Variants in CEP131 observed in about 807,000 individuals in gnomAD.
The protein encoded by CEP131 is centrosomal protein of 131 kDa.
Under a neutral mutation model 136.8 loss-of-function variants are expected in CEP131, and 99 were observed. The ratio of observed to expected loss-of-function variants is 0.72; its 90% CI spans 0.62 to 0.86. The LOEUF (loss-of-function observed/expected upper bound fraction) is 0.86, where lower values mean the gene tolerates loss of function less well. CEP131 is among the 40% of genes least tolerant of loss of function. CEP131 has a pLI of 0.00. For missense variants in CEP131, 1,459 were observed against 1,463.0 expected (o/e 1.00, Z 0.04); for synonymous variants, 646 against 612.7 (o/e 1.05, Z -0.80).
Position 81,199,715 on chromosome 17 carries a change from G to A in CEP131, c.1023+4C>T. ...CTGCTCAGTGGTCCCTGCGCGGTCAGCACCTGAATGGCTGCTCGCCTGGCT... is the reference window on the plus strand; with the variant it reads ...CTGCTCAGTGGTCCCTGCGCGGTCAACACCTGAATGGCTGCTCGCCTGGCT... On this transcript the variant is annotated splice_donor_region_variant and intron_variant, in intron 9 of 25. Coordinates refer to ENST00000450824, the MANE Select transcript of CEP131 (RefSeq NM_014984.4). 6.2e-7 allele frequency: 1 copy of A among 1,608,098 alleles called. No individual in the cohort carries two copies. Among genetic ancestry groups the A allele is most frequent in the Non-Finnish European group, 8.5e-7 (1 of 1,179,836 alleles).
chr17:81,210,368 A>C (rs967687746), intron 2 of CEP131, among the ~76,000 whole-genome samples: 4 of 152,072 alleles, frequency 2.6e-5, no homozygotes, highest in African/African-American at 9.7e-5. Context: ...TCAGGAGATC[A>C]AGACCATCCT....
chr17:81,210,136 G>C (rs967186904), intron 2 of CEP131, among the ~76,000 whole-genome samples: 1 of 152,218 alleles, frequency 6.6e-6, no homozygotes, highest in Admixed American at 6.5e-5. Context: ...TGGCGCTCGG[G>C]AAAGTGGCAC....
Position 81,196,874 on chromosome 17 carries a change from G to A in CEP131, c.1774-48C>T. 1 of 1,603,638 alleles carries A rather than the reference G, an allele frequency of 6.2e-7. No homozygotes were observed. Among genetic ancestry groups the A allele is most frequent in the Non-Finnish European group, 8.5e-7 (1 of 1,175,924 alleles). ...GGAAGCGCTAGGACCGGTGGGCCTG[G>A]CCTCAGCAGGTAGGAGGCTAGCAGG... On this transcript the variant is annotated intron_variant, in intron 14 of 25. Coordinates refer to ENST00000450824, the MANE Select transcript of CEP131 (RefSeq NM_014984.4).
intron 1 of CEP131, among the ~76,000 whole-genome samples, chr17:81,220,518 G>C (rs1369926253): frequency 1.3e-5 from 2 of 151,832 alleles, no homozygotes; most frequent in Non-Finnish European, 2.9e-5. Flanking sequence ...TTTTGAAACA[G>C]AGTCTCGTTC....
Position 81,219,753 on chromosome 17 carries a change from C to T in CEP131, c.177+127G>A, listed in dbSNP as rs574680315. On this transcript the variant is annotated intron_variant, in intron 2 of 25. Coordinates refer to ENST00000450824, the MANE Select transcript of CEP131 (RefSeq NM_014984.4). The surrounding 1 kb of genome is among the most constrained non-coding windows in gnomAD (Gnocchi z 4.0). Reference sequence around the variant, plus strand: ...TCCTACCTGCCTCCTGGAACAGCCACGAGGATCCAGCATGTCCAGATGTGA... The same window carrying T: ...TCCTACCTGCCTCCTGGAACAGCCATGAGGATCCAGCATGTCCAGATGTGA... The T allele has an allele frequency of 3.0e-5, 31 of 1,036,586 alleles. No homozygotes were observed. The East Asian group carries it at 6.6e-4, about 22-fold the overall frequency. 64.2% of individuals were successfully genotyped at this position (1,036,586 alleles called of 1,614,324 possible).
At chr17:81,218,916 C>T (rs1303991469) in intron 2 of CEP131, among the ~76,000 whole-genome samples, 8 of 152,250 alleles carry the variant, frequency 5.3e-5, no homozygotes, top group Admixed American at 5.2e-4. Context: ...TGTTGCCTGG[C>T]ACGGACCTCA....
rs151014721 is a variant in CEP131 at position 81,211,302 on chromosome 17, C to T, written c.178-2280G>A. Among the ~76,000 whole-genome samples, 503 of 152,308 alleles carry T rather than the reference C, an allele frequency of 3.3e-3. 1 individual carries two copies. Among genetic ancestry groups the T allele is most frequent in the African/African-American group, 0.011 (468 of 41,582 alleles). Reference sequence around the variant, plus strand: ...AGGTCAGAAGGCAGGGTGTGGGGAGCACAACAGCAGGAGAGGAAGGGCCCC... The same window carrying T: ...AGGTCAGAAGGCAGGGTGTGGGGAGTACAACAGCAGGAGAGGAAGGGCCCC... On this transcript the variant is annotated intron_variant, in intron 2 of 25. Transcript: ENST00000450824.
chr17:81,194,908 C>A lies in CEP131; in HGVS notation c.2081G>T (p.Ser694Ile), dbSNP rs766152494. The A allele has an allele frequency of 5.6e-6, 9 of 1,613,496 alleles. No homozygotes were observed. The highest frequency in any genetic ancestry group is 7.6e-6 in the Non-Finnish European group (9 of 1,179,990). Residue 694 changes from serine to isoleucine, a missense_variant, in exon 17 of 26, where the codon AGT becomes ATT. Physicochemically the swap from Ser to Ile is moderately radical, Grantham distance 142. Coordinates refer to ENST00000450824, the MANE Select transcript of CEP131 (RefSeq NM_014984.4). ...CTCCTTGATCTTCTTGGTTTTCTCACTGATCCACTTCTCCCGGCGGGCTTT... is the reference window on the plus strand; with the variant it reads ...CTCCTTGATCTTCTTGGTTTTCTCAATGATCCACTTCTCCCGGCGGGCTTT... ...TEKARREKWI[S>I]EKTKKIKEVT...
Position 81,215,618 on chromosome 17 carries a change from G to A in CEP131, c.177+4262C>T, listed in dbSNP as rs1157362616. ...GTAGAGACGAGGTTTCACCGTGTTG[G>A]CCAGGCTGGTCTCGAACTCCTGACC... On this transcript the variant is annotated intron_variant, in intron 2 of 25. Coordinates refer to ENST00000450824, the MANE Select transcript of CEP131 (RefSeq NM_014984.4). This position sits in a 1 kb window ranked among gnomAD's most constrained non-coding sequence, Gnocchi z 4.1. Among the ~76,000 whole-genome samples the A allele has an allele frequency of 3.0e-5, 1 of 33,888 alleles. No homozygotes were observed. Among genetic ancestry groups the A allele is most frequent in the East Asian group, 5.7e-4 (1 of 1,746 alleles). The allele number at this position is 33,888 out of a possible 152,430, so 22.2% of individuals were successfully genotyped here. A position where few individuals can be genotyped will look rare whatever the true frequency, so the allele number is the denominator to read the frequency against.
intron 15 of CEP131, 107 bp downstream of exon 15, chr17:81,196,594 A>T (rs2061759716): frequency 6.8e-7 from 1 of 1,459,902 alleles, no homozygotes; most frequent in African/African-American, 1.4e-5. Context: ...CACCCGTGTG[A>T]CACCCAACAG....
chr17:81,202,418 C>T lies in CEP131; in HGVS notation c.630-20G>A. 6.2e-7 allele frequency: 1 copy of T among 1,609,254 alleles called. No homozygotes were observed. Among genetic ancestry groups the T allele is most frequent in the Non-Finnish European group, 8.5e-7 (1 of 1,178,516 alleles). On this transcript the variant is annotated intron_variant, in intron 6 of 25. Transcript: ENST00000450824. ...ATGTTGCTGACAGGTAAGAAGAAAA[C>T]ACCCTCGTCTCACCGCCCAGGGGAA...
rs2062052778 is a variant in CEP131 at position 81,208,077 on chromosome 17, A to G, written c.273-838T>C. 7.6e-6 allele frequency among the ~76,000 whole-genome samples: 1 copy of G among 131,704 alleles called. No individual in the cohort carries two copies. The highest frequency in any genetic ancestry group is 1.6e-5 in the Non-Finnish European group (1 of 60,716). The allele number at this position is 131,704 out of a possible 152,430, so 86.4% of individuals were successfully genotyped here. ...CACCACACTCACACCACACACCCAC[A>G]CACCACACCACACACACACACTTAT... On this transcript the variant is annotated intron_variant, in intron 3 of 25. Coordinates refer to ENST00000450824, the MANE Select transcript of CEP131 (RefSeq NM_014984.4). The surrounding 1 kb of genome is among the most constrained non-coding windows in gnomAD (Gnocchi z 5.6).
At position 81,199,288 on chromosome 17, in the gene CEP131, C is replaced by T. The variant is rs933007673; in HGVS notation, c.1192+93G>A. 5.8e-6 allele frequency: 8 copies of T among 1,388,094 alleles called. No homozygotes were observed. In the Admixed American group the frequency reaches 1.6e-4, roughly 28 times the overall value. The allele number at this position is 1,388,094 out of a possible 1,614,324, so 86.0% of individuals were successfully genotyped here. ...CTGGGGCCGCCAACATGGGCAGCAGCACAGGAGGCCGAGAGGAGGTCCACA... is the reference window on the plus strand; with the variant it reads ...CTGGGGCCGCCAACATGGGCAGCAGTACAGGAGGCCGAGAGGAGGTCCACA... On this transcript the variant is annotated intron_variant, in intron 10 of 25. Coordinates refer to ENST00000450824, the MANE Select transcript of CEP131 (RefSeq NM_014984.4).
At chr17:81,193,731 C>A (rs944115041) in intron 18 of CEP131, among the ~76,000 whole-genome samples, 195 bp downstream of exon 18, 5 of 152,334 alleles carry the variant, frequency 3.3e-5, no homozygotes, top group Middle Eastern at 6.8e-3. Flanking sequence ...GAACTGCAGA[C>A]ACAAGCCCGA....
chr17:81,199,180 C>G (rs145875930), intron 10 of CEP131, among the ~76,000 whole-genome samples: 7 of 152,266 alleles, frequency 4.6e-5, no homozygotes, highest in Admixed American at 1.3e-4. Context: ...CTGTAGGGAT[C>G]CCTACGTCCA....
In CEP131 at chr17:81,191,953, G is replaced by A. The variant is rs940065881; in HGVS notation, c.2622+365C>T. ...GTGGCAGAGTCCACCCCCCACAGAAGGCCCCAGAGGCTAAGGGGGGAGCCC... is the reference window on the plus strand; with the variant it reads ...GTGGCAGAGTCCACCCCCCACAGAAAGCCCCAGAGGCTAAGGGGGGAGCCC... On this transcript the variant is annotated intron_variant, in intron 21 of 25. Transcript: ENST00000450824. 9.2e-5 allele frequency among the ~76,000 whole-genome samples: 14 copies of A among 152,112 alleles called. 1 individual carries two copies. In the East Asian group the frequency reaches 9.6e-4, roughly 10 times the overall value.
At chr17:81,198,378 C>A in intron 11 of CEP131, 81 bp from the exon 12 acceptor site, 1 of 1,418,302 alleles carries the variant, frequency 7.1e-7, no homozygotes. Context: ...AACCGCAGAG[C>A]CCCAAAGGCG....
At position 81,222,863 on chromosome 17, in the gene CEP131, A is replaced by C. The variant is rs1209306471; in HGVS notation, c.-112T>G. 6.6e-6 allele frequency: 1 copy of C among 152,190 alleles called. No homozygotes were observed. Among genetic ancestry groups the C allele is most frequent in the Non-Finnish European group, 1.5e-5 (1 of 68,020 alleles). The allele number at this position is 152,190 out of a possible 1,614,324, so 9.4% of individuals were successfully genotyped here. A position where few individuals can be genotyped will look rare whatever the true frequency, so the allele number is the denominator to read the frequency against. On this transcript the variant is annotated 5_prime_UTR_variant, in exon 1 of 26. Coordinates refer to ENST00000450824, the MANE Select transcript of CEP131 (RefSeq NM_014984.4). ...AGGGGATGCGGAACCAGTCGCGCCC[A>C]AACCTCGGGTCGGCGACCTGGCGCC...
intron 6 of CEP131, 27 bp from the exon 7 acceptor site, chr17:81,202,425 G>C: frequency 1.2e-6 from 2 of 1,606,306 alleles, no homozygotes; most frequent in South Asian, 2.2e-5. Context: ...AAACACCCTC[G>C]TCTCACCGCC....
Sources: allele counts gnomAD v4.1 joint callset (sites outside exome capture counted in the v4.1 genomes callset), GRCh38; gene constraint gnomAD v4.1.1; non-coding constraint Gnocchi (gnomAD v3.1); transcripts MANE v1.5; gene names NCBI Gene and HGNC (gene_info 2026-07-23, HGNC 2026-07-21).